PINX1: variants seen among roughly 807,000 people sequenced by gnomAD.
The protein encoded by PINX1 is PIN2/TERF1-interacting telomerase inhibitor 1.
A neutral mutation model predicts 25.4 loss-of-function variants in PINX1; 34 were observed. The ratio of observed to expected loss-of-function variants is 1.34; its 90% CI spans 1.02 to 1.78. The LOEUF (loss-of-function observed/expected upper bound fraction) is 1.78, where lower values mean the gene tolerates loss of function less well. Ranked by LOEUF, PINX1 falls within the 40% of genes most tolerant of loss-of-function variation. The pLI is 0.00. For missense variants in PINX1, 592 were observed against 404.9 expected (o/e 1.46, Z -3.97); for synonymous variants, 197 against 147.7 (o/e 1.33, Z -2.42).
intron 6 of PINX1, among the ~76,000 whole-genome samples, chr8:10,793,262 T>G (rs1418503529): frequency 2.6e-5 from 4 of 152,148 alleles, no homozygotes; most frequent in African/African-American, 9.7e-5. Context: ...AATTAACTGG[T>G]CTACAAACCA....
chr8:10,827,094 C>A (rs1252063674), intron 4 of PINX1, among the ~76,000 whole-genome samples: 1 of 152,210 alleles, frequency 6.6e-6, no homozygotes, highest in East Asian at 1.9e-4. Flanking sequence ...AATGTAATGT[C>A]TCTCCACCCT....
At chr8:10,801,213 G>T (rs1282408984) in intron 6 of PINX1, among the ~76,000 whole-genome samples, 1 of 152,208 alleles carries the variant, frequency 6.6e-6, no homozygotes, top group African/African-American at 2.4e-5. Flanking sequence ...AGGGGGAAGT[G>T]AATAGAGGAA....
chr8:10,828,653 G>T (rs1050487579), intron 4 of PINX1, among the ~76,000 whole-genome samples: 1 of 152,186 alleles, frequency 6.6e-6, no homozygotes, highest in Non-Finnish European at 1.5e-5. Flanking sequence ...TATCAAGAAG[G>T]ATGCGTGAGC....
At chr8:10,768,702 A>T (rs1232089408) in intron 6 of PINX1, among the ~76,000 whole-genome samples, 1 of 152,230 alleles carries the variant, frequency 6.6e-6, no homozygotes, top group African/African-American at 2.4e-5. Flanking sequence ...GACTCAAAGG[A>T]AAAATACATT....
intron 6 of PINX1, among the ~76,000 whole-genome samples, chr8:10,781,080 C>G (rs919212516): frequency 8.5e-5 from 13 of 152,066 alleles, no homozygotes; most frequent in Admixed American, 7.2e-4. Flanking sequence ...TTGACAAGAG[C>G]ATGAAGAAGA....
At chr8:10,823,243 G>A (rs972051923) in intron 5 of PINX1, among the ~76,000 whole-genome samples, 2 of 152,198 alleles carry the variant, frequency 1.3e-5, no homozygotes, top group African/African-American at 2.4e-5. Flanking sequence ...CTGCACATGC[G>A]TTAGGCATGT....
intron 6 of PINX1, chr8:10,787,799 G>C (rs1019294558): frequency 1.8e-5 from 8 of 455,794 alleles, no homozygotes; most frequent in African/African-American, 1.6e-4. Flanking sequence ...TGTAAGACAA[G>C]GAATCCAAGG....
chr8:10,786,825 C>G lies in PINX1; in HGVS notation c.472-20909G>C, dbSNP rs7823136. On this transcript the variant is annotated intron_variant, in intron 6 of 6. Coordinates refer to ENST00000314787, the MANE Select transcript of PINX1 (RefSeq NM_017884.6). ...CAACTCCCAGGAACCAACCTGCAAA[C>G]TGCACTTGCACCCAGCGCCTCTCCC... Among the ~76,000 whole-genome samples the G allele has an allele frequency of 2.4e-3, 358 of 152,338 alleles. 1 individual carries two copies. Among genetic ancestry groups the G allele is most frequent in the African/African-American group, 8.3e-3 (347 of 41,566 alleles).
In PINX1 at chr8:10,765,190, G is replaced by C. The variant is rs947736618; in HGVS notation, c.*211C>G. On this transcript the variant is annotated 3_prime_UTR_variant, in exon 7 of 7. Coordinates refer to ENST00000314787, the MANE Select transcript of PINX1 (RefSeq NM_017884.6). ...TTTACAAAAAAATTTATTTGTGTCT[G>C]AGAGCCACGATTGAGAACATTAAAA... 9.3e-6 allele frequency: 5 copies of C among 534,976 alleles called. No individual in the cohort carries two copies. Among genetic ancestry groups the C allele is most frequent in the Non-Finnish European group, 1.6e-5 (5 of 306,826 alleles). The allele number at this position is 534,976 out of a possible 1,614,324, so 33.1% of individuals were successfully genotyped here. A position where few individuals can be genotyped will look rare whatever the true frequency, so the allele number is the denominator to read the frequency against.
At position 10,765,884 on chromosome 8, in the gene PINX1, G is replaced by A. The variant is rs746882158; in HGVS notation, c.504C>T (p.Asn168=). 64 of 1,613,716 alleles carry A rather than the reference G, an allele frequency of 4.0e-5. No homozygotes were observed. The highest frequency in any genetic ancestry group is 1.6e-4 in the Middle Eastern group (1 of 6,082). The change falls in exon 7 of 7, where the codon AAC becomes AAT. Residue 168 remains asparagine (N), a synonymous_variant. Transcript: ENST00000314787. Reference sequence around the variant, plus strand: ...TGAAGGCGCTGGTTGTCGTGGTTTCGTTCTCCTCTGGAGTGGAGGGACTGG... The same window carrying A: ...TGAAGGCGCTGGTTGTCGTGGTTTCATTCTCCTCTGGAGTGGAGGGACTGG... ...GDASPSTPEE[N]ETTTTSAFTI... is the part of the protein sequence containing the mutation.
intron 6 of PINX1, chr8:10,771,318 A>C (rs928566858): frequency 6.6e-6 from 1 of 152,194 alleles, no homozygotes; most frequent in African/African-American, 2.4e-5. Context: ...GTCACTCCCT[A>C]TGCTGGCCTA....
rs1295271514 is a variant in PINX1, at chr8:10,765,640, C to T, written c.748G>A (p.Ala250Thr). The change falls in exon 7 of 7, where the codon GCC becomes ACC. Residue 250 changes from alanine (A) to threonine (T), a missense_variant. Transcript: ENST00000314787. The stretch of plus-strand genomic sequence containing the variant: ...TCTGCTGGCGCGCTCTTCTTCTTGG[C>T]CACTCGCTCCTGGGCCTCGGCCCTC... ...PERAEAQERV[A>T]KKKSAPAEEQ... is the part of the protein sequence containing the mutation. 6.2e-7 allele frequency: 1 copy of T among 1,613,948 alleles called. No homozygotes were observed. The highest frequency in any genetic ancestry group is 8.5e-7 in the Non-Finnish European group (1 of 1,179,886).
intron 6 of PINX1, among the ~76,000 whole-genome samples, chr8:10,794,438 C>T (rs1460259781): frequency 6.6e-6 from 1 of 151,860 alleles, no homozygotes. Context: ...CCTGTTGCTA[C>T]CTTTTTTTTT....
chr8:10,791,777 T>C (rs889452541), intron 6 of PINX1, among the ~76,000 whole-genome samples: 1 of 152,084 alleles, frequency 6.6e-6, no homozygotes, highest in African/African-American at 2.4e-5. Context: ...GCCAGGGTGG[T>C]GGCGGCAACC....
intron 5 of PINX1, among the ~76,000 whole-genome samples, chr8:10,821,092 A>C (rs1255595665): frequency 1.3e-5 from 2 of 152,242 alleles, no homozygotes; most frequent in Non-Finnish European, 2.9e-5. Context: ...ATGCATTTTA[A>C]AATGTAACTA....
At chr8:10,775,431 T>G (rs1325092844) in intron 6 of PINX1, among the ~76,000 whole-genome samples, 17 of 149,652 alleles carry the variant, frequency 1.1e-4, no homozygotes, top group African/African-American at 2.7e-4. Flanking sequence ...TTTTTTTTTT[T>G]TTTTTTTTTG....
chr8:10,836,995 G>C (rs1798425195), intron 1 of PINX1, among the ~76,000 whole-genome samples: 1 of 152,154 alleles, frequency 6.6e-6, no homozygotes, highest in South Asian at 2.1e-4. Flanking sequence ...GCCACAGTCT[G>C]TTCTGTGCTC....
chr8:10,792,352 G>C (rs545302324), intron 6 of PINX1, among the ~76,000 whole-genome samples: 15 of 152,122 alleles, frequency 9.9e-5, no homozygotes, highest in Admixed American at 3.9e-4. Context: ...CCTCCTCCAG[G>C]AGGGCAGGAA....
chr8:10,825,497 A>G (rs1798008544), intron 5 of PINX1: 1 of 532,024 alleles, frequency 1.9e-6, no homozygotes, highest in South Asian at 1.4e-5. Context: ...GCTTCTTTCC[A>G]ATGCAAGATC....
Sources: allele counts gnomAD v4.1 joint callset (sites outside exome capture counted in the v4.1 genomes callset), GRCh38; gene constraint gnomAD v4.1.1; transcripts MANE v1.5; gene names NCBI Gene and HGNC (gene_info 2026-07-23, HGNC 2026-07-21).